AHI1: variants seen among roughly 807,000 people sequenced by gnomAD.
AHI1 encodes jouberin.
AHI1 carries 123 observed loss-of-function variants against 149.3 expected under a neutral mutation model. The ratio of observed to expected loss-of-function variants is 0.82; its 90% CI spans 0.71 to 0.96. The LOEUF is 0.96. Among genes scored for constraint, AHI1 ranks in the 40% least tolerant of loss-of-function variants. The pLI, the probability that AHI1 is intolerant of heterozygous loss-of-function variation, is 0.00. For synonymous variants in AHI1, 475 were observed against 459.8 expected, an observed-to-expected ratio of 1.03 and a Z score of -0.42; for missense variants, 1,439 against 1,422.7, an observed-to-expected ratio of 1.01 and a Z score of -0.18.
chr6:135,418,332 A>C (rs1678115601), intron 20 of AHI1, among the ~76,000 whole-genome samples: 1 of 152,240 alleles, frequency 6.6e-6, no homozygotes, highest in Admixed American at 6.6e-5. Context: ...TTGCTTAAAG[A>C]AATGTTATAT....
chr6:135,486,102 T>C (rs1241309068), intron 5 of AHI1, among the ~76,000 whole-genome samples: 1 of 152,196 alleles, frequency 6.6e-6, no homozygotes, highest in Non-Finnish European at 1.5e-5. Flanking sequence ...CAAATACCTA[T>C]TGAAAAAAGC....
At chr6:135,480,300 A>G (rs1025229478) in intron 5 of AHI1, among the ~76,000 whole-genome samples, 3 of 152,122 alleles carry the variant, frequency 2.0e-5, no homozygotes, top group African/African-American at 7.2e-5. Context: ...CTACAGAAAA[A>G]AACAAAAATT....
At chr6:135,457,232 C>T (rs1183893933) in intron 9 of AHI1, among the ~76,000 whole-genome samples, 4 of 152,122 alleles carry the variant, frequency 2.6e-5, no homozygotes, top group Admixed American at 2.6e-4. Context: ...TGCAGTGAGC[C>T]AAGATTGAGC....
intron 8 of AHI1, among the ~76,000 whole-genome samples, chr6:135,462,479 T>C (rs934724154): frequency 6.6e-6 from 1 of 152,180 alleles, no homozygotes; most frequent in African/African-American, 2.4e-5. Context: ...TGACCATTTA[T>C]AGCTTTCAAC....
intron 24 of AHI1, among the ~76,000 whole-genome samples, chr6:135,327,429 T>C (rs1346282724): frequency 6.6e-6 from 1 of 152,206 alleles, no homozygotes; most frequent in Non-Finnish European, 1.5e-5. Context: ...GCAAAGAAAT[T>C]GGAGCATGTC....
chr6:135,473,964 C>G (rs1157294286), intron 5 of AHI1, among the ~76,000 whole-genome samples: 2 of 152,068 alleles, frequency 1.3e-5, no homozygotes, highest in African/African-American at 4.8e-5. Context: ...TTCCAAGTAT[C>G]TATACAATTA....
rs141931385 is a variant in AHI1, at chr6:135,338,169, G to A, written c.3166-14845C>T. 3.9e-3 allele frequency among the ~76,000 whole-genome samples: 593 copies of A among 151,822 alleles called. 6 individuals carry two copies. The highest frequency in any genetic ancestry group is 0.013 in the East Asian group (65 of 5,160). ...AAAAAAAATTAGCCGGCATGGTGGC[G>A]CACACCTGTAATCCCAGCTACTCGG... On this transcript the variant is annotated intron_variant, in intron 24 of 28. Transcript: ENST00000265602.
intron 26 of AHI1, among the ~76,000 whole-genome samples, chr6:135,303,644 T>C (rs949129462): frequency 9.9e-5 from 15 of 152,176 alleles, no homozygotes; most frequent in African/African-American, 3.6e-4. Flanking sequence ...GACCAGGAAT[T>C]GGAGGCCCAG....
In AHI1 at chr6:135,467,616, T is replaced by C. The variant is rs1313943389; in HGVS notation, c.154A>G (p.Asn52Asp). Residue 52 changes from asparagine (N) to aspartate (D), a missense_variant, in exon 6 of 29, where the codon AAT (asparagine) becomes GAT (aspartate). By Grantham distance (23) the Asn-to-Asp change is conservative (BLOSUM62 1). Coordinates refer to ENST00000265602, the MANE Select transcript of AHI1 (RefSeq NM_001134831.2). ...ENISPDTIRSNLHYMKETTSD... is the reference protein window; with the variant it reads ...ENISPDTIRSDLHYMKETTSD... Reference sequence around the variant, plus strand: ...GTAGTTTCTTTCATATAGTGAAGATTGCTTCTAATAGTGTCAGGCTAAAAA... The same window carrying C: ...GTAGTTTCTTTCATATAGTGAAGATCGCTTCTAATAGTGTCAGGCTAAAAA... The C allele has an allele frequency of 6.2e-7, 1 of 1,608,800 alleles. No individual in the cohort carries two copies. Among genetic ancestry groups the C allele is most frequent in the South Asian group, 1.1e-5 (1 of 90,586 alleles).
chr6:135,490,413 C>T (rs1583505771), intron 5 of AHI1: 4 of 653,824 alleles, frequency 6.1e-6, no homozygotes, highest in Non-Finnish European at 1.1e-5. Context: ...GTGTGTTCTT[C>T]CTGTAGGACA....
chr6:135,348,772 A>C (rs1198684655), intron 24 of AHI1, among the ~76,000 whole-genome samples: 1 of 152,230 alleles, frequency 6.6e-6, no homozygotes, highest in Non-Finnish European at 1.5e-5. Context: ...GTCAAAAATG[A>C]ATCTATGAAA....
At chr6:135,457,141 A>G (rs1050524525) in intron 9 of AHI1, among the ~76,000 whole-genome samples, 1 of 152,136 alleles carries the variant, frequency 6.6e-6, no homozygotes, top group African/African-American at 2.4e-5. Flanking sequence ...AAAATTAGCC[A>G]GGAGTGGTGG....
intron 23 of AHI1, among the ~76,000 whole-genome samples, chr6:135,375,351 T>C (rs1186136956): frequency 2.0e-5 from 3 of 152,138 alleles, no homozygotes; most frequent in East Asian, 1.9e-4. Flanking sequence ...TCAATATTAG[T>C]ATATATCATA....
intron 22 of AHI1, among the ~76,000 whole-genome samples, chr6:135,397,021 A>G (rs1375026035): frequency 6.6e-6 from 1 of 151,870 alleles, no homozygotes. Context: ...AAAAACCTGT[A>G]ATCTATAATT....
rs536261385 is a variant in AHI1 at position 135,472,864 on chromosome 6, G to A, written c.136-5230C>T. ...GTTTTCATATCAGTGAGCTGTAAGA[G>A]CTCTTAAAATATTCTAGATACAACA... On this transcript the variant is annotated intron_variant, in intron 5 of 28. Coordinates refer to ENST00000265602, the MANE Select transcript of AHI1 (RefSeq NM_001134831.2). Among the ~76,000 whole-genome samples the A allele has an allele frequency of 1.2e-3, 189 of 152,204 alleles. 1 individual carries two copies. Among genetic ancestry groups the A allele is most frequent in the African/African-American group, 4.2e-3 (174 of 41,540 alleles).
chr6:135,431,641 C>T (rs891298994), intron 16 of AHI1, among the ~76,000 whole-genome samples: 8 of 152,174 alleles, frequency 5.3e-5, no homozygotes, highest in South Asian at 4.1e-4. Flanking sequence ...TTGAACCATC[C>T]GACATGTAAC....
At chr6:135,305,144 C>A (rs1046441895) in intron 26 of AHI1, 2 of 152,160 alleles carry the variant, frequency 1.3e-5, no homozygotes, top group African/African-American at 4.8e-5. Flanking sequence ...GTGGCTGTTA[C>A]ACAGAAATAT....
chr6:135,412,889 A>T (rs1781810025), intron 20 of AHI1, among the ~76,000 whole-genome samples: 1 of 152,214 alleles, frequency 6.6e-6, no homozygotes, highest in African/African-American at 2.4e-5. Context: ...GTGTGTTTAT[A>T]TAAGCATTTC....
intron 14 of AHI1, among the ~76,000 whole-genome samples, chr6:135,442,146 T>C (rs1215112962): frequency 6.6e-6 from 1 of 152,080 alleles, no homozygotes; most frequent in Non-Finnish European, 1.5e-5. Context: ...TCTATCATAA[T>C]GAGAAGTTTT....
Sources: gnomAD v4.1 joint callset for allele counts (sites outside exome capture counted in the v4.1 genomes callset) on GRCh38, gnomAD v4.1.1 for gene constraint, MANE v1.5 for transcripts, NCBI Gene and HGNC (gene_info 2026-07-23, HGNC 2026-07-21) for gene names.